Variants in ROBO1 observed in about 807,000 individuals in gnomAD.
ROBO1 encodes the protein roundabout homolog 1.
Under a neutral mutation model 195.9 loss-of-function variants are expected in ROBO1, and 149 were observed. The observed-to-expected ratio is 0.76, with a 90% confidence interval of 0.67 to 0.87. The LOEUF (loss-of-function observed/expected upper bound fraction) is 0.87, where lower values mean the gene tolerates loss of function less well. ROBO1 is among the 40% of genes least tolerant of loss of function. ROBO1 has a pLI of 0.00. For synonymous variants in ROBO1, 816 were observed against 733.2 expected (o/e 1.11, Z -1.82); for missense variants, 1,933 against 2,068.3 (o/e 0.93, Z 1.27).
chr3:79,653,704 A>G (rs1374591390), intron 1 of ROBO1, among the ~76,000 whole-genome samples: 1 of 152,004 alleles, frequency 6.6e-6, no homozygotes, highest in East Asian at 1.9e-4. Context: ...AGTAAAATGC[A>G]GTTCCTAGGG....
At chr3:79,653,188 T>C (rs1946063218) in intron 1 of ROBO1, among the ~76,000 whole-genome samples, 1 of 151,886 alleles carries the variant, frequency 6.6e-6, no homozygotes, top group Non-Finnish European at 1.5e-5. Flanking sequence ...TCTATATCTT[T>C]ATTACACATC....
chr3:78,665,418 A>T (rs1427633187), intron 14 of ROBO1, among the ~76,000 whole-genome samples: 2 of 152,130 alleles, frequency 1.3e-5, no homozygotes, highest in Non-Finnish European at 2.9e-5. Context: ...TTTACAGCTA[A>T]TTTTTTAAAC....
intron 2 of ROBO1, among the ~76,000 whole-genome samples, chr3:79,283,616 GCTAA>G: frequency 6.6e-6 from 1 of 151,972 alleles, no homozygotes; most frequent in South Asian, 2.1e-4. Flanking sequence ...TACTCAATCT[GCTAA>G]CTCTGTGTAA....
chr3:78,753,138 T>G (rs1404835422), intron 4 of ROBO1, among the ~76,000 whole-genome samples: 1 of 152,100 alleles, frequency 6.6e-6, no homozygotes, highest in East Asian at 1.9e-4. Flanking sequence ...GCATTGCAGA[T>G]AAAATGAGAA....
At chr3:79,035,504 G>A (rs1386098629) in intron 3 of ROBO1, among the ~76,000 whole-genome samples, 1 of 152,106 alleles carries the variant, frequency 6.6e-6, no homozygotes, top group African/African-American at 2.4e-5. Flanking sequence ...AGGATCACTC[G>A]AGGCCAGGAA....
intron 3 of ROBO1, among the ~76,000 whole-genome samples, chr3:79,093,164 T>C (rs1292454012): frequency 2.0e-5 from 3 of 152,118 alleles, no homozygotes; most frequent in South Asian, 2.1e-4. Flanking sequence ...GTGGCCTAAA[T>C]CTATGCTTAA....
At chr3:79,076,587 T>C (rs1309540541) in intron 3 of ROBO1, among the ~76,000 whole-genome samples, 1 of 151,732 alleles carries the variant, frequency 6.6e-6, no homozygotes, top group African/African-American at 2.4e-5. Flanking sequence ...TTTCAGGGGA[T>C]TTATTGAAAA....
intron 10 of ROBO1, among the ~76,000 whole-genome samples, chr3:78,676,862 AC>A (rs1432179723): frequency 6.6e-6 from 1 of 152,168 alleles, no homozygotes; most frequent in Non-Finnish European, 1.5e-5. Flanking sequence ...CAACTCCAAG[AC>A]ACATAATTGT....
chr3:79,682,763 G>T (rs558027938), intron 1 of ROBO1, among the ~76,000 whole-genome samples: 6 of 151,850 alleles, frequency 4.0e-5, no homozygotes, highest in Non-Finnish European at 7.4e-5. Context: ...GGGCATAACC[G>T]CATGTTTTAC....
At chr3:78,791,676 T>C (rs2084026254) in intron 4 of ROBO1, among the ~76,000 whole-genome samples, 1 of 152,204 alleles carries the variant, frequency 6.6e-6, no homozygotes. Context: ...GTCTGTGTGC[T>C]ATTGAGCTTG....
chr3:78,940,380 T>C (rs180944291), intron 3 of ROBO1, among the ~76,000 whole-genome samples: 1 of 152,342 alleles, frequency 6.6e-6, no homozygotes, highest in East Asian at 1.9e-4. Context: ...GGTTGTCCTC[T>C]ACTTCAGTGG....
intron 2 of ROBO1, among the ~76,000 whole-genome samples, chr3:79,315,021 CG>C (rs1327572937): frequency 6.7e-6 from 1 of 149,908 alleles, no homozygotes; most frequent in Non-Finnish European, 1.5e-5. Context: ...AGGACAGAAA[CG>C]AAATGGGAAA....
chr3:79,599,936 T>C (rs1279926391), intron 1 of ROBO1, among the ~76,000 whole-genome samples: 1 of 152,014 alleles, frequency 6.6e-6, no homozygotes, highest in Non-Finnish European at 1.5e-5. Flanking sequence ...AAATTAAAAC[T>C]GTCTACATCA....
At chr3:79,553,283 T>G (rs1468582307) in intron 2 of ROBO1, among the ~76,000 whole-genome samples, 1 of 152,024 alleles carries the variant, frequency 6.6e-6, no homozygotes, top group Non-Finnish European at 1.5e-5. Flanking sequence ...TCTTGCCTTG[T>G]CATAACAAAA....
intron 2 of ROBO1, among the ~76,000 whole-genome samples, chr3:79,222,293 C>A (rs549509296): frequency 1.3e-5 from 2 of 152,094 alleles, no homozygotes; most frequent in South Asian, 2.1e-4. Context: ...GTGAACTTGG[C>A]CAATTAATTT....
chr3:78,918,064 G>A (rs1169327342), intron 4 of ROBO1, among the ~76,000 whole-genome samples: 1 of 152,146 alleles, frequency 6.6e-6, no homozygotes, highest in Non-Finnish European at 1.5e-5. Flanking sequence ...ATTAACTGAC[G>A]CTGAATAACA....
intron 2 of ROBO1, among the ~76,000 whole-genome samples, chr3:79,407,113 A>T (rs1217077754): frequency 6.6e-6 from 1 of 152,012 alleles, no homozygotes; most frequent in East Asian, 1.9e-4. Flanking sequence ...TTTTTAATAG[A>T]AATGGGGTTT....
At chr3:78,963,533 T>G (rs2041509755) in intron 3 of ROBO1, among the ~76,000 whole-genome samples, 1 of 144,010 alleles carries the variant, frequency 6.9e-6, no homozygotes, top group Non-Finnish European at 1.5e-5. Context: ...TTTTTTTTTT[T>G]TTTGAGACGG....
chr3:79,534,424 G>GT (rs5850435), intron 2 of ROBO1, among the ~76,000 whole-genome samples: 86,771 of 151,732 alleles, frequency 0.57, 24,936 homozygotes, highest in Non-Finnish European at 0.6. Flanking sequence ...TTTCTCTCTG[G>GT]TTATTAGTTT....
Sources: gnomAD v4.1 joint callset for allele counts (sites outside exome capture counted in the v4.1 genomes callset) on GRCh38, gnomAD v4.1.1 for gene constraint, MANE v1.5 for transcripts, NCBI Gene and HGNC (gene_info 2026-07-23, HGNC 2026-07-21) for gene names.